TFPI: variants seen among roughly 807,000 people sequenced by gnomAD.
The protein encoded by TFPI is anti-convertin.
In TFPI, 15 loss-of-function variants were observed where a neutral mutation model predicts 34.6. That is an observed-to-expected ratio of 0.43 (90% CI 0.29 to 0.67). TFPI has a LOEUF of 0.67. Ranked by LOEUF, TFPI falls within the 30% of genes least tolerant of loss-of-function variation. The probability of loss-of-function intolerance (pLI) is 0.15; values close to 1 mark genes in which losing one functional copy is unlikely to be tolerated. For synonymous variants in TFPI, 105 were observed against 120.1 expected (o/e 0.87, Z 0.82); for missense variants, 301 against 364.0 (o/e 0.83, Z 1.41).
At chr2:187,514,983 G>A (rs1051896212) in intron 1 of TFPI, 2 of 152,182 alleles carry the variant, frequency 1.3e-5, no homozygotes, top group African/African-American at 2.4e-5. Context: ...AACTCATGTC[G>A]GCCCTAGCCC....
intron 1 of TFPI, among the ~76,000 whole-genome samples, chr2:187,507,276 T>C (rs1021627700): frequency 1.3e-5 from 2 of 152,198 alleles, no homozygotes; most frequent in African/African-American, 4.8e-5. Context: ...CCATGGTGTA[T>C]ATGTGCCACA....
At chr2:187,514,880 T>C (rs531673197) in intron 1 of TFPI, 3 of 152,338 alleles carry the variant, frequency 2.0e-5, no homozygotes, top group African/African-American at 7.2e-5. Flanking sequence ...TTTGAGTCAA[T>C]ATTTTGGTGG....
At chr2:187,502,214 G>T (rs1685896899) in intron 2 of TFPI, among the ~76,000 whole-genome samples, 1 of 152,018 alleles carries the variant, frequency 6.6e-6, no homozygotes, top group Admixed American at 6.6e-5. Context: ...TTAAATTCTG[G>T]CTTAATTACT....
intron 1 of TFPI, among the ~76,000 whole-genome samples, chr2:187,540,195 G>A (rs981863040): frequency 6.6e-6 from 1 of 151,998 alleles, no homozygotes; most frequent in Non-Finnish European, 1.5e-5. Flanking sequence ...GAGTCACCGC[G>A]CCCCGGCCAC....
intron 2 of TFPI, among the ~76,000 whole-genome samples, chr2:187,500,627 CT>C (rs1685786085): frequency 6.6e-6 from 1 of 152,026 alleles, no homozygotes; most frequent in African/African-American, 2.4e-5. Flanking sequence ...TAAGTATTAA[CT>C]TTTATGAATT....
rs940889957 is a variant in TFPI, at chr2:187,464,426, A to G, written c.*2510T>C. 7 of 152,212 alleles carry G rather than the reference A, an allele frequency of 4.6e-5. No individual in the cohort carries two copies. The highest frequency in any genetic ancestry group is 1.7e-4 in the African/African-American group (7 of 41,464). 9.4% of individuals were successfully genotyped at this position (152,212 alleles called of 1,614,324 possible). A position where few individuals can be genotyped will look rare whatever the true frequency, so the allele number is the denominator to read the frequency against. ...TAATTGTGGAAAATAAAGGAAGACA[A>G]TAACATCAAGATCTTTTTCCAAAAC... On this transcript the variant is annotated 3_prime_UTR_variant, in exon 8 of 8. Coordinates refer to ENST00000233156, the MANE Select transcript of TFPI (RefSeq NM_006287.6).
At chr2:187,478,049 C>A (rs543513255) in intron 6 of TFPI, among the ~76,000 whole-genome samples, 2 of 152,234 alleles carry the variant, frequency 1.3e-5, no homozygotes, top group African/African-American at 4.8e-5. Context: ...TTCTTCCCCC[C>A]AGAATATCAT....
intron 1 of TFPI, among the ~76,000 whole-genome samples, chr2:187,532,721 A>T (rs1688031529): frequency 6.6e-6 from 1 of 152,006 alleles, no homozygotes; most frequent in Non-Finnish European, 1.5e-5. Flanking sequence ...CTGGAATGCC[A>T]GTGAGACAGA....
intron 6 of TFPI, among the ~76,000 whole-genome samples, chr2:187,473,977 T>C (rs530548297): frequency 7.1e-4 from 108 of 152,218 alleles, no homozygotes; most frequent in African/African-American, 2.3e-3. Flanking sequence ...ATTGGGTAGA[T>C]GTTCTCTGGG....
chr2:187,508,781 CT>C (rs1264037106), intron 1 of TFPI, among the ~76,000 whole-genome samples: 1 of 152,136 alleles, frequency 6.6e-6, no homozygotes, highest in Admixed American at 6.5e-5. Context: ...TTTGAATAAA[CT>C]TTATTTCTTT....
At chr2:187,504,062 A>G (rs1427103373) in intron 1 of TFPI, among the ~76,000 whole-genome samples, 1 of 152,156 alleles carries the variant, frequency 6.6e-6, no homozygotes, top group Admixed American at 6.6e-5. Flanking sequence ...GACATGGGTA[A>G]ACGCTGATCA....
chr2:187,481,082 TTAA>T (rs932965888), intron 6 of TFPI, among the ~76,000 whole-genome samples: 6 of 152,044 alleles, frequency 3.9e-5, no homozygotes, highest in African/African-American at 9.6e-5. Context: ...AATATTTCAC[TTAA>T]TAATAATTGA....
intron 1 of TFPI, among the ~76,000 whole-genome samples, chr2:187,538,525 A>T (rs947953011): frequency 6.6e-6 from 1 of 152,204 alleles, no homozygotes; most frequent in East Asian, 1.9e-4. Flanking sequence ...CATAAGTGGG[A>T]GTTGAACAAT....
intron 5 of TFPI, chr2:187,484,549 A>G (rs953153803): frequency 1.7e-5 from 8 of 483,128 alleles, no homozygotes; most frequent in Non-Finnish European, 2.5e-5. Flanking sequence ...CAGCAATTCT[A>G]TTGTGCCAAA....
intron 6 of TFPI, among the ~76,000 whole-genome samples, chr2:187,482,672 A>C (rs754389480): frequency 2.8e-4 from 43 of 152,000 alleles, no homozygotes; most frequent in Admixed American, 1.9e-3. Flanking sequence ...TTAATACCTG[A>C]GACAGCCATC....
chr2:187,483,577 C>T lies in TFPI; in HGVS notation c.628+547G>A, dbSNP rs8176516. Among the ~76,000 whole-genome samples the T allele has an allele frequency of 6.1e-3, 921 of 151,982 alleles. 9 individuals are homozygous for T. Among genetic ancestry groups the T allele is most frequent in the African/African-American group, 0.021 (881 of 41,482 alleles). On this transcript the variant is annotated intron_variant, in intron 6 of 7. Transcript: ENST00000233156. ...TTTGTGGAAATATTTCCTGTATATT[C>T]GTTTAAATCTGATAAATAGGTTAAC...
rs771312944 is a variant in TFPI, at chr2:187,484,220, GA to G, written c.536-5del. 9 of 1,608,322 alleles carry G rather than the reference GA, an allele frequency of 5.6e-6. No individual in the cohort carries two copies. Among genetic ancestry groups the G allele is most frequent in the Non-Finnish European group, 7.6e-6 (9 of 1,176,900 alleles). The stretch of plus-strand genomic sequence containing the variant: ...TTATCCACCTGGAAACCATTCGCTG[GA>G]AAAAAATACAGCCAATTAAAATAGA... On this transcript the variant is annotated splice_region_variant and splice_polypyrimidine_tract_variant and intron_variant, in intron 5 of 7. Coordinates refer to ENST00000233156, the MANE Select transcript of TFPI (RefSeq NM_006287.6).
chr2:187,474,278 A>G (rs1279239517), intron 6 of TFPI, among the ~76,000 whole-genome samples: 1 of 152,154 alleles, frequency 6.6e-6, no homozygotes, highest in Non-Finnish European at 1.5e-5. Context: ...GATTTTAGTA[A>G]GCAGAGAATA....
At chr2:187,512,827 C>T (rs1686740083) in intron 1 of TFPI, among the ~76,000 whole-genome samples, 2 of 151,824 alleles carry the variant, frequency 1.3e-5, no homozygotes, top group Non-Finnish European at 2.9e-5. Context: ...AAATTCTTAT[C>T]CTGAAATAAA....
Sources: allele counts gnomAD v4.1 joint callset (sites outside exome capture counted in the v4.1 genomes callset), GRCh38; gene constraint gnomAD v4.1.1; transcripts MANE v1.5; gene names NCBI Gene and HGNC (gene_info 2026-07-23, HGNC 2026-07-21).